Variants in ZNF324B observed in about 807,000 individuals in gnomAD.
The protein encoded by ZNF324B is zinc finger protein 324B.
In ZNF324B, 7 loss-of-function variants were observed where a neutral mutation model predicts 10.6. That is an observed-to-expected ratio of 0.66 (90% CI 0.38 to 1.24). The LOEUF is 1.24. Ranked by LOEUF, ZNF324B falls within the 50% of genes most tolerant of loss-of-function variation. The probability of loss-of-function intolerance (pLI) is 0.02; values close to 1 mark genes in which losing one functional copy is unlikely to be tolerated. For missense variants in ZNF324B, 640 were observed against 764.7 expected, an observed-to-expected ratio of 0.84 and a Z score of 1.92; for synonymous variants, 316 against 321.0, an observed-to-expected ratio of 0.98 and a Z score of 0.17.
Position 58,456,555 on chromosome 19 carries a change from A to G in ZNF324B, c.1611A>G (p.Pro537=), listed in dbSNP as rs2052925342. 1 of 1,614,016 alleles carries G rather than the reference A, an allele frequency of 6.2e-7. No individual in the cohort carries two copies. Among genetic ancestry groups the G allele is most frequent in the South Asian group, 1.1e-5 (1 of 91,086 alleles). Residue 537 remains proline (P), a synonymous_variant, in exon 4 of 4, where the codon CCA becomes CCG. Coordinates refer to ENST00000336614, the MANE Select transcript of ZNF324B (RefSeq NM_207395.3). The surrounding 1 kb of genome is among the most constrained non-coding windows in gnomAD (Gnocchi z 4.7). ...RKVRRGGKPS[P]VLKPAKV ...TGCGCCGGGGAGGGAAGCCAAGCCC[A>G]GTCCTGAAGCCAGCGAAGGTCTGAG... is the stretch of plus-strand genomic sequence containing the variant.
At chr19:58,426,867 CA>C in the ZNF324B span, among the ~76,000 whole-genome samples, 1 of 152,214 alleles carries the variant, frequency 6.6e-6, no homozygotes, top group East Asian at 1.9e-4. Flanking sequence ...GGGCTGAAGG[CA>C]ACTGCCTTTT....
chr19:58,440,958 C>G, the ZNF324B span: 6 of 152,430 alleles, frequency 3.9e-5, no homozygotes, highest in Non-Finnish European at 5.9e-5. Flanking sequence ...AGTATCTGCC[C>G]CAGGTCCTCT....
the ZNF324B span, chr19:58,441,428 G>A: frequency 6.6e-6 from 1 of 152,298 alleles, no homozygotes; most frequent in African/African-American, 2.4e-5. Context: ...GGATCTTCAA[G>A]ATAGAGCTAA....
chr19:58,419,022 G>GT, the ZNF324B span: 2 of 152,170 alleles, frequency 1.3e-5, no homozygotes, highest in African/African-American at 4.8e-5. Flanking sequence ...GGTCTCTTGA[G>GT]TTTTTTCTGC....
rs768413813 is a variant in ZNF324B, at chr19:58,456,883, G to A, written c.*304G>A. 17 of 494,136 alleles carry A rather than the reference G, an allele frequency of 3.4e-5. No homozygotes were observed. Among genetic ancestry groups the A allele is most frequent in the Non-Finnish European group, 5.9e-5 (16 of 273,358 alleles). 30.6% of individuals were successfully genotyped at this position (494,136 alleles called of 1,614,324 possible). A position where few individuals can be genotyped will look rare whatever the true frequency, so the allele number is the denominator to read the frequency against. On this transcript the variant is annotated 3_prime_UTR_variant, in exon 4 of 4. Coordinates refer to ENST00000336614, the MANE Select transcript of ZNF324B (RefSeq NM_207395.3). This position sits in a 1 kb window ranked among gnomAD's most constrained non-coding sequence, Gnocchi z 4.7. Reference sequence around the variant, plus strand: ...GCCATAGGACGCCGACAAAGGCAGCGCTGCATGGTGGTGCTACTTCATGTG... The same window carrying A: ...GCCATAGGACGCCGACAAAGGCAGCACTGCATGGTGGTGCTACTTCATGTG...
chr19:58,431,540 T>G, the ZNF324B span, among the ~76,000 whole-genome samples: 1 of 152,076 alleles, frequency 6.6e-6, no homozygotes, highest in Admixed American at 6.6e-5. Flanking sequence ...GGACTATAGG[T>G]GTGCACCACT....
At chr19:58,435,079 A>C in the ZNF324B span, 1 of 1,613,862 alleles carries the variant, frequency 6.2e-7, no homozygotes, top group African/African-American at 1.3e-5. Context: ...GTCTTTCAAG[A>C]ATGGCCCACA....
At chr19:58,446,952 C>T (rs2052830845), upstream of ZNF324B, among the ~76,000 whole-genome samples, 1 of 150,074 alleles carries the variant, frequency 6.7e-6, no homozygotes, top group Admixed American at 6.7e-5. Context: ...CCTTTTCTTT[C>T]TTTTCTCGTC....
chr19:58,422,225 G>A, the ZNF324B span, among the ~76,000 whole-genome samples: 6 of 152,050 alleles, frequency 3.9e-5, no homozygotes, highest in East Asian at 1.9e-4. Context: ...TCAACATCCC[G>A]TCATGGCAGA....
chr19:58,438,708 A>C, the ZNF324B span, among the ~76,000 whole-genome samples: 1 of 151,116 alleles, frequency 6.6e-6, no homozygotes, highest in Non-Finnish European at 1.5e-5. Context: ...CTCCTGACCT[A>C]GTGATCCACC....
chr19:58,435,043 C>T, the ZNF324B span: 2 of 1,614,160 alleles, frequency 1.2e-6, no homozygotes, highest in African/African-American at 2.7e-5. Flanking sequence ...AGACTGTGTT[C>T]CCTGATGCTC....
At chr19:58,433,814 C>T in the ZNF324B span, 44 of 1,614,060 alleles carry the variant, frequency 2.7e-5, no homozygotes, top group Non-Finnish European at 3.1e-5. Context: ...TCACTACACT[C>T]GTAAGGCTTT....
the ZNF324B span, among the ~76,000 whole-genome samples, chr19:58,423,514 A>G: frequency 5.3e-5 from 8 of 152,224 alleles, no homozygotes; most frequent in East Asian, 7.7e-4. Flanking sequence ...TACAGATTCA[A>G]TGCAATCCCT....
chr19:58,449,321 A>G (rs547320775), upstream of ZNF324B, among the ~76,000 whole-genome samples: 14 of 152,352 alleles, frequency 9.2e-5, no homozygotes, highest in Admixed American at 3.9e-4. Flanking sequence ...CAGGGCCCTC[A>G]TGGAGAACCT....
At chr19:58,427,493 C>T in the ZNF324B span, among the ~76,000 whole-genome samples, 99 of 105,222 alleles carry the variant, frequency 9.4e-4, no homozygotes, top group East Asian at 5.3e-3. Flanking sequence ...TTCCTTCCTT[C>T]CTTTCTTTCT....
chr19:58,445,152 T>C, the ZNF324B span: 3 of 284,610 alleles, frequency 1.1e-5, no homozygotes, highest in African/African-American at 7.0e-5. Flanking sequence ...CACCGGAAAA[T>C]GGTTGTACAA....
rs376763359 is a variant in ZNF324B at position 58,454,242 on chromosome 19, C to T, written c.136C>T (p.Arg46Ter). The T allele has an allele frequency of 1.3e-5, 21 of 1,613,594 alleles. No individual in the cohort carries two copies. Among genetic ancestry groups the T allele is most frequent in the Non-Finnish European group, 1.7e-5 (20 of 1,179,666 alleles). The change falls in exon 3 of 4, where the codon CGA becomes TGA. Residue 46 changes from arginine (R) to a stop codon, truncating the protein, a stop_gained. Coordinates refer to ENST00000336614, the MANE Select transcript of ZNF324B (RefSeq NM_207395.3). LOFTEE classifies it high-confidence loss of function. The part of the protein sequence containing the change: ...LVTSLGLSTS[R>*]PRVVIQLERG... ...CCTCCTCACAGGACTCTCTACCTCCCGACCTCGTGTGGTCATTCAACTTGA... is the reference window on the plus strand; with the variant it reads ...CCTCCTCACAGGACTCTCTACCTCCTGACCTCGTGTGGTCATTCAACTTGA...
chr19:58,427,439 C>CTTCCT, the ZNF324B span, among the ~76,000 whole-genome samples: 34 of 34,332 alleles, frequency 9.9e-4, 1 homozygote, highest in Non-Finnish European at 1.5e-3. Flanking sequence ...TCCTTCCTTC[C>CTTCCT]TTCCTTTCCT....
chr19:58,446,077 G>C, the ZNF324B span, among the ~76,000 whole-genome samples: 1 of 152,228 alleles, frequency 6.6e-6, no homozygotes, highest in Non-Finnish European at 1.5e-5. Flanking sequence ...GGAGATTGCA[G>C]TGAGCCAAGA....
Sources: allele counts gnomAD v4.1 joint callset (sites outside exome capture counted in the v4.1 genomes callset), GRCh38; gene constraint gnomAD v4.1.1; non-coding constraint Gnocchi (gnomAD v3.1); transcripts MANE v1.5; gene names NCBI Gene and HGNC (gene_info 2026-07-23, HGNC 2026-07-21).